Variants in SYNE2 observed in about 807,000 individuals in gnomAD.
SYNE2 encodes nesprin-2.
A neutral mutation model predicts 856.3 loss-of-function variants in SYNE2; 431 were observed. That is an observed-to-expected ratio of 0.50 (90% confidence interval 0.47 to 0.55). The LOEUF (loss-of-function observed/expected upper bound fraction) is 0.55, where lower values mean the gene tolerates loss of function less well. Among genes scored for constraint, SYNE2 ranks in the 20% least tolerant of loss-of-function variants. The probability of loss-of-function intolerance (pLI) is 0.00; values close to 1 mark genes in which losing one functional copy is unlikely to be tolerated. For synonymous variants in SYNE2, 2,923 were observed against 2,872.3 expected (o/e 1.02, Z -0.56); for missense variants, 8,129 against 8,023.2 (o/e 1.01, Z -0.50).
At chr14:64,191,249 C>T (rs988260463) in intron 99 of SYNE2, 3 of 230,404 alleles carry the variant, frequency 1.3e-5, no homozygotes, top group Non-Finnish European at 2.4e-5. Flanking sequence ...TTACTGGAAA[C>T]CACAAGTGAA....
upstream of SYNE2, among the ~76,000 whole-genome samples, chr14:63,851,944 G>T (rs1481428406): frequency 7.3e-6 from 1 of 136,458 alleles, no homozygotes; most frequent in Non-Finnish European, 1.5e-5. Flanking sequence ...TACCGGTGTG[G>T]TGTCGTGCGC....
chr14:63,930,211 C>T (rs757846092), intron 2 of SYNE2, among the ~76,000 whole-genome samples: 21 of 149,566 alleles, frequency 1.4e-4, no homozygotes, highest in African/African-American at 2.2e-4. Flanking sequence ...ACTTGAGCCT[C>T]GGAGGTTGAG....
intron 51 of SYNE2, 63 bp downstream of exon 51, chr14:64,065,713 C>T (rs1472949963): frequency 6.4e-7 from 1 of 1,564,242 alleles, no homozygotes; most frequent in Non-Finnish European, 8.7e-7. Context: ...TGTTTTATTA[C>T]TTTCACCTTG....
chr14:64,079,890 G>T (rs949584388), intron 55 of SYNE2, among the ~76,000 whole-genome samples: 7 of 152,094 alleles, frequency 4.6e-5, no homozygotes, highest in Non-Finnish European at 7.4e-5. Flanking sequence ...TGTAGAGACG[G>T]TGTTTCCCTG....
chr14:63,820,296 G>C (rs1466909273), intron 1 of SYNE2, among the ~76,000 whole-genome samples: 2 of 152,096 alleles, frequency 1.3e-5, no homozygotes, highest in Admixed American at 6.6e-5. Flanking sequence ...TGAACAAAAG[G>C]TCAAGTACAA....
intron 1 of SYNE2, among the ~76,000 whole-genome samples, chr14:63,867,550 T>C (rs1895719993): frequency 6.6e-6 from 1 of 150,744 alleles, no homozygotes. Context: ...ATACAAAAAT[T>C]AGCCAGGTGT....
Position 64,154,460 on chromosome 14 carries a change from T to C in SYNE2, c.15792+1744T>C, listed in dbSNP as rs576171979. On this transcript the variant is annotated intron_variant, in intron 85 of 115. Coordinates refer to ENST00000555002, the MANE Select transcript of SYNE2 (RefSeq NM_182914.3). ...TACACCTAGAATATATGAAGATTTA[T>C]CACAACTTGATAATAAAAGGAAAAA... Among the ~76,000 whole-genome samples, 3 of 152,208 alleles carry C rather than the reference T, an allele frequency of 2.0e-5. No individual in the cohort carries two copies. The South Asian group carries it at 6.2e-4, about 32-fold the overall frequency.
intron 1 of SYNE2, among the ~76,000 whole-genome samples, chr14:63,813,271 G>C (rs1888688543): frequency 6.6e-6 from 1 of 152,106 alleles, no homozygotes; most frequent in African/African-American, 2.4e-5. Context: ...ATTGTCTTTG[G>C]CAGAAATGAG....
At chr14:64,196,668 C>G (rs1172180803) in intron 99 of SYNE2, 1 of 152,146 alleles carries the variant, frequency 6.6e-6, no homozygotes, top group African/African-American at 2.4e-5. Flanking sequence ...GACAGAAATC[C>G]TCTTTTGCAT....
chr14:63,766,546 T>C (rs1886691638), intron 1 of SYNE2, among the ~76,000 whole-genome samples: 1 of 152,224 alleles, frequency 6.6e-6, no homozygotes, highest in Non-Finnish European at 1.5e-5. Flanking sequence ...TTGTACCATA[T>C]ACAGTTATCC....
At chr14:63,957,034 T>C (rs905270535) in intron 8 of SYNE2, among the ~76,000 whole-genome samples, 2 of 152,048 alleles carry the variant, frequency 1.3e-5, no homozygotes, top group African/African-American at 2.4e-5. Flanking sequence ...TTATACAATA[T>C]ATGGTCTTTG....
Position 64,074,137 on chromosome 14 carries a change from G to A in SYNE2, c.10866+1G>A, listed in dbSNP as rs1253067298. ...CCCAGAAAAGTCAGAACAATTTGAG[G>A]TAAGTGAGGAATGAATTAGTGAATG... On this transcript the variant is annotated splice_donor_variant, in intron 53 of 115. Coordinates refer to ENST00000555002, the MANE Select transcript of SYNE2 (RefSeq NM_182914.3). LOFTEE classifies it high-confidence loss of function. The A allele has an allele frequency of 6.2e-7, 1 of 1,613,926 alleles. No individual in the cohort carries two copies. Among genetic ancestry groups the A allele is most frequent in the Admixed American group, 1.7e-5 (1 of 60,016 alleles).
intron 19 of SYNE2, among the ~76,000 whole-genome samples, chr14:63,988,367 C>T (rs1006716648): frequency 7.9e-5 from 12 of 152,200 alleles, no homozygotes; most frequent in African/African-American, 2.7e-4. Context: ...CGTGAGCCAC[C>T]GTGCCCAGCT....
At chr14:63,821,985 G>T (rs527815542) in intron 1 of SYNE2, among the ~76,000 whole-genome samples, 1 of 152,128 alleles carries the variant, frequency 6.6e-6, no homozygotes, top group Non-Finnish European at 1.5e-5. Context: ...GAGGTTAGGA[G>T]CTCAAGACCA....
chr14:63,997,048 A>G lies in SYNE2; in HGVS notation c.3042A>G (p.Glu1014=), dbSNP rs750783509. 1.2e-6 allele frequency: 2 copies of G among 1,614,136 alleles called. No homozygotes were observed. The highest frequency in any genetic ancestry group is 1.7e-5 in the Admixed American group (1 of 60,010). Residue 1014 remains glutamate, a synonymous_variant, in exon 24 of 116, where the codon GAA becomes GAG. Transcript: ENST00000555002. Reference sequence around the variant, plus strand: ...TGCCTTCACAGAAGAGTCAACAAGAAGTGAAGAGACTACTCAAAGATTATG... The same window carrying G: ...TGCCTTCACAGAAGAGTCAACAAGAGGTGAAGAGACTACTCAAAGATTATG... ...EELPSQKSQQ[E]VKRLLKDYEQ...
Position 64,089,681 on chromosome 14 carries a change from T to C in SYNE2, c.11778T>C (p.His3926=). 1 of 1,583,582 alleles carries C rather than the reference T, an allele frequency of 6.3e-7. No homozygotes were observed. The highest frequency in any genetic ancestry group is 8.7e-7 in the Non-Finnish European group (1 of 1,153,248). Residue 3926 remains histidine, a synonymous_variant, in exon 59 of 116, where the codon CAT becomes CAC. Transcript: ENST00000555002. ...KEIFDFSPEE[H]LKHGEVILEN... ...TATTTGATTTTTCACCTGAAGAACA[T>C]CTCAAACATGGGGAGGTAAGCATAG...
intron 1 of SYNE2, among the ~76,000 whole-genome samples, chr14:63,872,761 C>CAAAAAAA (rs36125169): frequency 3.7e-4 from 32 of 87,668 alleles, no homozygotes; most frequent in Non-Finnish European, 4.4e-4. Flanking sequence ...GACTCTGCCT[C>CAAAAAAA]AAAAAAAAAA....
At chr14:64,188,321 A>G (rs898944671) in intron 97 of SYNE2, among the ~76,000 whole-genome samples, 3 of 152,248 alleles carry the variant, frequency 2.0e-5, no homozygotes, top group Admixed American at 6.5e-5. Context: ...CCTTCCAATC[A>G]GCTACATTTC....
rs573850693 is a variant in SYNE2 at position 64,130,220 on chromosome 14, C to T, written c.14312C>T (p.Ala4771Val). The change falls in exon 76 of 116, where the codon GCG becomes GTG. Residue 4771 changes from alanine (A) to valine (V), a missense_variant. This residue lies in a region of SYNE2 where 5,410 missense variants were observed against 5,284.8 expected (regional missense o/e 1.02). Coordinates refer to ENST00000555002, the MANE Select transcript of SYNE2 (RefSeq NM_182914.3). Reference sequence around the variant, plus strand: ...TTAAAACAAACCAAAAGTAAAGTGGCGTTACAGGCTCAAATAGAAAATCAC... The same window carrying T: ...TTAAAACAAACCAAAAGTAAAGTGGTGTTACAGGCTCAAATAGAAAATCAC... ...GHLKQTKSKV[A>V]LQAQIENHKV... 46 of 1,613,130 alleles carry T rather than the reference C, an allele frequency of 2.9e-5. No individual in the cohort carries two copies. Among genetic ancestry groups the T allele is most frequent in the Middle Eastern group, 3.3e-4 (2 of 6,084 alleles).
Sources: gnomAD v4.1 joint callset for allele counts (sites outside exome capture counted in the v4.1 genomes callset) on GRCh38, gnomAD v4.1.1 for gene constraint, gnomAD v4.1.1 regional missense constraint, MANE v1.5 for transcripts, NCBI Gene and HGNC (gene_info 2026-07-23, HGNC 2026-07-21) for gene names.